LINGO2: variants seen among roughly 807,000 people sequenced by gnomAD.
The protein encoded by LINGO2 is leucine-rich repeat and immunoglobulin-like domain-containing nogo receptor-interacting protein 2.
LINGO2 carries 14 observed loss-of-function variants against 30.6 expected under a neutral mutation model. That is an observed-to-expected ratio of 0.46 (90% CI 0.30 to 0.72). The LOEUF (loss-of-function observed/expected upper bound fraction) is 0.72. Among genes scored for constraint, LINGO2 ranks in the 30% least tolerant of loss-of-function variants. The pLI is 0.07. For synonymous variants in LINGO2, 317 were observed against 288.5 expected, an observed-to-expected ratio of 1.10 and a Z score of -1.00; for missense variants, 729 against 751.7, an observed-to-expected ratio of 0.97 and a Z score of 0.35.
the LINGO2 span, among the ~76,000 whole-genome samples, chr9:29,070,376 G>A: frequency 6.6e-6 from 1 of 152,082 alleles, no homozygotes; most frequent in Non-Finnish European, 1.5e-5. Flanking sequence ...GAGGAGTGCT[G>A]CAACAACTCA....
the LINGO2 span, among the ~76,000 whole-genome samples, chr9:28,689,987 C>T: frequency 0.11 from 16,422 of 152,116 alleles, 1,002 homozygotes; most frequent in African/African-American, 0.16. Flanking sequence ...AACCAAACAC[C>T]GCATGTTCTC....
intron 4 of LINGO2, among the ~76,000 whole-genome samples, chr9:28,201,574 A>G (rs1820236443): frequency 1.3e-5 from 2 of 151,120 alleles, no homozygotes; most frequent in African/African-American, 4.9e-5. Flanking sequence ...CAAGATTTAT[A>G]GTCCTTTGGG....
intron 4 of LINGO2, among the ~76,000 whole-genome samples, chr9:28,221,178 AAG>A (rs1416406800): frequency 1.6e-4 from 25 of 151,734 alleles, no homozygotes; most frequent in African/African-American, 5.8e-4. Flanking sequence ...GGGCGCCTGT[AAG>A]GTCCCAGCTA....
the LINGO2 span, among the ~76,000 whole-genome samples, chr9:28,998,098 T>C: frequency 1.3e-5 from 2 of 152,180 alleles, no homozygotes; most frequent in Non-Finnish European, 1.5e-5. Context: ...CCAAAGCCCA[T>C]ACTTAAGAGT....
In LINGO2 at chr9:28,370,992, C is replaced by CAG. The variant is rs1820874641; in HGVS notation, c.-246+1842_-246+1843dup. 2.0e-5 allele frequency among the ~76,000 whole-genome samples: 3 copies of CAG among 152,258 alleles called. No homozygotes were observed. In the South Asian group the frequency reaches 6.2e-4, roughly 32 times the overall value. On this transcript the variant is annotated intron_variant, in intron 3 of 5. Transcript: ENST00000379992. ...ACCTACAGTGGCTAATGCAAGCCAT[C>CAG]AGAAGTATCTACATAGAGTGCACGT...
chr9:28,705,593 A>C, the LINGO2 span, among the ~76,000 whole-genome samples: 1 of 152,116 alleles, frequency 6.6e-6, no homozygotes, highest in Non-Finnish European at 1.5e-5. Flanking sequence ...CAAACTAGTT[A>C]CTTTTCTGCT....
chr9:28,873,393 A>G, the LINGO2 span, among the ~76,000 whole-genome samples: 48 of 94,488 alleles, frequency 5.1e-4, 2 homozygotes, highest in Admixed American at 3.2e-3. Context: ...AAAAAAAAGA[A>G]AAAAAAAAAA....
rs148705113 is a variant in LINGO2 at position 28,468,470 on chromosome 9, T to C, written c.-279+7470A>G. Among the ~76,000 whole-genome samples, 458 of 152,084 alleles carry C rather than the reference T, an allele frequency of 3.0e-3. 5 individuals are homozygous for C. The highest frequency in any genetic ancestry group is 0.011 in the African/African-American group (437 of 41,516). Reference sequence around the variant, plus strand: ...CAAAAACTGCAGGAGAGAGGGGAAGTTGCAGGTCCACAGAAACTGAAGGTA... The same window carrying C: ...CAAAAACTGCAGGAGAGAGGGGAAGCTGCAGGTCCACAGAAACTGAAGGTA... On this transcript the variant is annotated intron_variant, in intron 2 of 5. Coordinates refer to ENST00000379992, the Ensembl canonical transcript of LINGO2.
chr9:28,010,154 T>C (rs1822483527), intron 5 of LINGO2, among the ~76,000 whole-genome samples: 1 of 152,240 alleles, frequency 6.6e-6, no homozygotes, highest in Non-Finnish European at 1.5e-5. Context: ...TGATTCCAGT[T>C]ACATAAAATG....
chr9:28,040,426 T>A (rs1453973201), intron 4 of LINGO2, among the ~76,000 whole-genome samples: 1 of 130,230 alleles, frequency 7.7e-6, no homozygotes, highest in African/African-American at 3.2e-5. Context: ...AGCTTGAAGT[T>A]TTTTTTTTTT....
intron 4 of LINGO2, among the ~76,000 whole-genome samples, chr9:28,166,621 GAGA>G (rs2133627035): frequency 6.6e-6 from 1 of 152,108 alleles, no homozygotes; most frequent in African/African-American, 2.4e-5. Flanking sequence ...ATTTAAAGAA[GAGA>G]AGAAGTCTTC....
At chr9:28,712,892 G>T in the LINGO2 span, among the ~76,000 whole-genome samples, 62 of 151,486 alleles carry the variant, frequency 4.1e-4, no homozygotes, top group Admixed American at 1.6e-3. Flanking sequence ...TTTTTATGAA[G>T]TCTTGCTCTG....
the LINGO2 span, among the ~76,000 whole-genome samples, chr9:28,804,330 C>G: frequency 2.9e-4 from 44 of 152,164 alleles, no homozygotes; most frequent in African/African-American, 7.5e-4. Context: ...TTGCAAGACA[C>G]ACAAACGACC....
chr9:28,486,888 G>A (rs1185965079), intron 1 of LINGO2, among the ~76,000 whole-genome samples: 1 of 152,070 alleles, frequency 6.6e-6, no homozygotes, highest in Non-Finnish European at 1.5e-5. Flanking sequence ...TAGGATGCTT[G>A]CAGTCTCTCC....
At chr9:28,572,432 G>C (rs1823740506) in intron 1 of LINGO2, among the ~76,000 whole-genome samples, 1 of 152,048 alleles carries the variant, frequency 6.6e-6, no homozygotes, top group Non-Finnish European at 1.5e-5. Context: ...AAGAAAGGCA[G>C]GGTCACACCA....
the LINGO2 span, among the ~76,000 whole-genome samples, chr9:29,165,799 A>G: frequency 1.3e-5 from 2 of 152,152 alleles, no homozygotes; most frequent in Admixed American, 6.6e-5. Flanking sequence ...AAAATCGTGC[A>G]AAGGAAAAAG....
intron 4 of LINGO2, among the ~76,000 whole-genome samples, chr9:28,190,421 C>T (rs1041189634): frequency 6.6e-6 from 1 of 152,070 alleles, no homozygotes; most frequent in African/African-American, 2.4e-5. Context: ...ATGTTGAAAT[C>T]CTAACCCCTA....
intron 1 of LINGO2, among the ~76,000 whole-genome samples, chr9:28,640,618 C>T (rs1031415686): frequency 9.2e-5 from 14 of 151,630 alleles, no homozygotes; most frequent in East Asian, 1.9e-4. Context: ...TTGATCGAAT[C>T]GGCTACTGAG....
intron 3 of LINGO2, among the ~76,000 whole-genome samples, chr9:28,347,933 T>C (rs1467266946): frequency 2.0e-5 from 3 of 152,156 alleles, no homozygotes; most frequent in Non-Finnish European, 1.5e-5. Context: ...ATAATTAGTA[T>C]TATCATTTAT....
Sources: gnomAD v4.1 joint callset for allele counts (sites outside exome capture counted in the v4.1 genomes callset) on GRCh38, gnomAD v4.1.1 for gene constraint, MANE v1.5 for transcripts, NCBI Gene and HGNC (gene_info 2026-07-23, HGNC 2026-07-21) for gene names.